USO1: variants seen among roughly 807,000 people sequenced by gnomAD.
The protein encoded by USO1 is USO1 vesicle transport factor.
A neutral mutation model predicts 124.5 loss-of-function variants in USO1; 57 were observed. The ratio of observed to expected loss-of-function variants is 0.46; its 90% CI spans 0.37 to 0.57. The LOEUF (loss-of-function observed/expected upper bound fraction) is 0.57. Among genes scored for constraint, USO1 ranks in the 20% least tolerant of loss-of-function variants. The probability of loss-of-function intolerance (pLI) is 0.00; values close to 1 mark genes in which losing one functional copy is unlikely to be tolerated. For missense variants in USO1, 900 were observed against 1,040.6 expected, an observed-to-expected ratio of 0.86 and a Z score of 1.86; for synonymous variants, 369 against 362.8, an observed-to-expected ratio of 1.02 and a Z score of -0.19.
chr4:75,734,166 G>A (rs759237623), intron 1 of USO1, among the ~76,000 whole-genome samples: 9 of 151,950 alleles, frequency 5.9e-5, no homozygotes, highest in Non-Finnish European at 1.3e-4. Context: ...GGATGGTCTC[G>A]ATCTCCTGAC....
intron 8 of USO1, among the ~76,000 whole-genome samples, chr4:75,778,544 G>A (rs1219469762): frequency 6.6e-6 from 1 of 152,138 alleles, no homozygotes; most frequent in Non-Finnish European, 1.5e-5. Flanking sequence ...GGCTGTATAT[G>A]ACATTCTGGA....
At chr4:75,727,151 G>A (rs1035188627) in intron 1 of USO1, among the ~76,000 whole-genome samples, 2 of 152,176 alleles carry the variant, frequency 1.3e-5, no homozygotes, top group African/African-American at 4.8e-5. Context: ...AGAATTCACA[G>A]TGTATAGGAT....
intron 21 of USO1, among the ~76,000 whole-genome samples, chr4:75,809,347 CGTT>C (rs1205315559): frequency 6.6e-6 from 1 of 152,148 alleles, no homozygotes; most frequent in African/African-American, 2.4e-5. Flanking sequence ...ATTCAGAAAC[CGTT>C]GTTGTTTTCT....
intron 19 of USO1, among the ~76,000 whole-genome samples, chr4:75,805,914 G>T (rs1415608336): frequency 6.6e-6 from 1 of 152,084 alleles, no homozygotes; most frequent in Non-Finnish European, 1.5e-5. Flanking sequence ...TTTAATAAAT[G>T]TTTGCTTTTA....
chr4:75,804,423 A>G (rs1369467708), intron 18 of USO1, among the ~76,000 whole-genome samples, 151 bp downstream of exon 18: 1 of 152,216 alleles, frequency 6.6e-6, no homozygotes, highest in African/African-American at 2.4e-5. Flanking sequence ...GCAAAATAGC[A>G]TGATAGTTAA....
At chr4:75,793,030 T>G (rs1001604012) in intron 12 of USO1, among the ~76,000 whole-genome samples, 4 of 152,158 alleles carry the variant, frequency 2.6e-5, no homozygotes, top group Admixed American at 1.3e-4. Context: ...CTTATTTCAC[T>G]TAATATAATG....
intron 12 of USO1, 32 bp downstream of exon 12, chr4:75,790,829 A>G: frequency 6.6e-7 from 1 of 1,518,958 alleles, no homozygotes; most frequent in Non-Finnish European, 8.8e-7. Context: ...TTTATTTGAA[A>G]AAGTAAATCA....
At position 75,787,185 on chromosome 4, in the gene USO1, G is replaced by C. The variant is rs577406155; in HGVS notation, c.979G>C (p.Ala327Pro). ...TATCCTAATGGCTACTGGGGTTCCT[G>C]CTGATATCCTGACTGAGGTAAAGCA... ...CTILMATGVP[A>P]DILTETINTV... The change falls in exon 10 of 24, where the codon GCT becomes CCT. Residue 327 changes from alanine to proline, a missense_variant. Physicochemically the swap from Ala to Pro is conservative, Grantham distance 27 (BLOSUM62 -1). Transcript: ENST00000514213. 139 of 1,548,186 alleles carry C rather than the reference G, an allele frequency of 9.0e-5. No individual in the cohort carries two copies. Among genetic ancestry groups the C allele is most frequent in the Non-Finnish European group, 1.2e-4 (137 of 1,150,380 alleles).
chr4:75,798,176 T>C (rs1161428863), intron 13 of USO1, among the ~76,000 whole-genome samples: 1 of 152,216 alleles, frequency 6.6e-6, no homozygotes, highest in Non-Finnish European at 1.5e-5. Context: ...GCTCTTCTTA[T>C]CCTTCAATTA....
chr4:75,760,700 A>G, intron 4 of USO1: 1 of 391,740 alleles, frequency 2.6e-6, no homozygotes, highest in Non-Finnish European at 4.5e-6. Context: ...CTGGCTGGTA[A>G]AAAAAAAATC....
intron 1 of USO1, among the ~76,000 whole-genome samples, chr4:75,744,134 G>A (rs114154298): frequency 8.2e-4 from 124 of 152,128 alleles, no homozygotes; most frequent in African/African-American, 2.9e-3. Context: ...TGTCTATAGA[G>A]GTTTCTAAAT....
intron 1 of USO1, among the ~76,000 whole-genome samples, chr4:75,744,340 A>G (rs1012028635): frequency 1.3e-5 from 2 of 152,204 alleles, no homozygotes; most frequent in Admixed American, 1.3e-4. Context: ...ACCCCAGAGT[A>G]TATACTGAGA....
At chr4:75,757,912 T>C (rs1430307222) in intron 4 of USO1, among the ~76,000 whole-genome samples, 1 of 152,132 alleles carries the variant, frequency 6.6e-6, no homozygotes, top group Non-Finnish European at 1.5e-5. Flanking sequence ...ATTTATATTA[T>C]TATCTAGTGA....
chr4:75,768,081 A>G (rs972733769), intron 4 of USO1, among the ~76,000 whole-genome samples: 3 of 152,124 alleles, frequency 2.0e-5, no homozygotes, highest in African/African-American at 7.2e-5. Context: ...CAGTGGTACA[A>G]TCATGGCTCA....
intron 7 of USO1, among the ~76,000 whole-genome samples, chr4:75,773,664 T>C (rs1005632769): frequency 1.3e-5 from 2 of 152,224 alleles, no homozygotes; most frequent in African/African-American, 2.4e-5. Context: ...TTGTTAGTAG[T>C]TAAACTGAAG....
chr4:75,747,900 C>CT (rs34689475), intron 1 of USO1, among the ~76,000 whole-genome samples: 2,358 of 44,334 alleles, frequency 0.053, 139 homozygotes, highest in Non-Finnish European at 0.07. Context: ...CTCACCTGGC[C>CT]TTTTTTTTTT....
chr4:75,763,527 G>A (rs532679324), intron 4 of USO1, among the ~76,000 whole-genome samples: 5 of 152,244 alleles, frequency 3.3e-5, no homozygotes, highest in Admixed American at 2.0e-4. Context: ...TTCAGTTTTT[G>A]ATGGGCTTAT....
chr4:75,801,098 T>C lies in USO1; in HGVS notation c.1884T>C (p.Ile628=). Reference sequence around the variant, plus strand: ...TTATAGGTGTTATAACTAAGGCTATTTATAAGTCCAGTGAAGAAGATAAAA... The same window carrying C: ...TTATAGGTGTTATAACTAAGGCTATCTATAAGTCCAGTGAAGAAGATAAAA... ...KELEGVITKA[I]YKSSEEDKKE... is the part of the protein sequence containing the mutation. The change falls in exon 17 of 24, where the codon ATT becomes ATC. Residue 628 remains isoleucine, a synonymous_variant. Transcript: ENST00000514213. 1 of 1,583,940 alleles carries C rather than the reference T, an allele frequency of 6.3e-7. No individual in the cohort carries two copies. The highest frequency in any genetic ancestry group is 8.6e-7 in the Non-Finnish European group (1 of 1,165,554).
At chr4:75,811,095 A>G (rs962332891) in intron 22 of USO1, among the ~76,000 whole-genome samples, 6 of 152,144 alleles carry the variant, frequency 3.9e-5, no homozygotes, top group African/African-American at 1.2e-4. Flanking sequence ...ATAAGCATAC[A>G]TATGCATGTA....
Sources: allele counts gnomAD v4.1 joint callset (sites outside exome capture counted in the v4.1 genomes callset), GRCh38; gene constraint gnomAD v4.1.1; transcripts MANE v1.5; gene names NCBI Gene and HGNC (gene_info 2026-07-23, HGNC 2026-07-21).